MILR1: variants seen among roughly 807,000 people sequenced by gnomAD.
The protein encoded by MILR1 is allergin-1.
Under a neutral mutation model 18.5 loss-of-function variants are expected in MILR1, and 31 were observed. The observed-to-expected ratio is 1.68, with a 90% confidence interval of 1.26 to 2.26. The LOEUF is 2.26. MILR1 is among the 30% of genes most tolerant of loss of function. The pLI is 0.00. For synonymous variants in MILR1, 85 were observed against 56.2 expected (o/e 1.51, Z -2.30); for missense variants, 257 against 157.4 (o/e 1.63, Z -3.38).
chr17:64,460,194 T>C (rs2037401424), intron 4 of MILR1, among the ~76,000 whole-genome samples: 1 of 151,352 alleles, frequency 6.6e-6, no homozygotes, highest in African/African-American at 2.4e-5. Context: ...CCCAGCTAAT[T>C]TTTATATTTT....
At chr17:64,457,228 AC>A (rs2037318673) in intron 3 of MILR1, among the ~76,000 whole-genome samples, 171 bp from the exon 4 acceptor site, 2 of 152,170 alleles carry the variant, frequency 1.3e-5, no homozygotes, top group African/African-American at 2.4e-5. Flanking sequence ...GGGGTTGGCC[AC>A]ATGCCCATTG....
the MILR1 span, chr17:64,497,076 G>T: frequency 8.5e-7 from 1 of 1,182,416 alleles, no homozygotes; most frequent in Non-Finnish European, 1.2e-6. Context: ...CGCAACGGAG[G>T]TGAGCGTGCT....
chr17:64,465,450 A>G lies in MILR1; in HGVS notation c.764-2A>G, dbSNP rs2037532288. On this transcript the variant is annotated splice_acceptor_variant, in intron 5 of 9. Coordinates refer to ENST00000619286, the MANE Select transcript of MILR1 (RefSeq NM_001085423.2). LOFTEE classifies it high-confidence loss of function. ...TTTGATGATTCCTACCTATTTACGT[A>G]GGAAAAGCTATGAGAAATAATGTGC... The G allele has an allele frequency of 6.3e-7, 1 of 1,594,812 alleles. No individual in the cohort carries two copies. Among genetic ancestry groups the G allele is most frequent in the East Asian group, 2.2e-5 (1 of 44,684 alleles).
At chr17:64,491,392 C>T in the MILR1 span, 32 of 614,300 alleles carry the variant, frequency 5.2e-5, no homozygotes, top group South Asian at 1.5e-4. Context: ...CTTAGGACTT[C>T]GAGACCAGCC....
chr17:64,485,777 A>G, the MILR1 span: 1 of 1,612,976 alleles, frequency 6.2e-7, no homozygotes, highest in Non-Finnish European at 8.5e-7. Context: ...TGTCAGCTGG[A>G]AAGAATCATA....
At chr17:64,483,924 C>T in the MILR1 span, 1 of 152,292 alleles carries the variant, frequency 6.6e-6, no homozygotes, top group Non-Finnish European at 1.5e-5. Context: ...GTTGCCCAGA[C>T]AGACTGGTCT....
At chr17:64,486,866 G>A in the MILR1 span, 1 of 152,128 alleles carries the variant, frequency 6.6e-6, no homozygotes, top group African/African-American at 2.4e-5. Context: ...CATAGTACAT[G>A]ATATGAATTA....
At chr17:64,478,734 A>G in the MILR1 span, among the ~76,000 whole-genome samples, 1 of 151,844 alleles carries the variant, frequency 6.6e-6, no homozygotes, top group Non-Finnish European at 1.5e-5. Context: ...CATCTCTACC[A>G]AAACTACAAA....
At chr17:64,482,769 T>A in the MILR1 span, 5 of 611,600 alleles carry the variant, frequency 8.2e-6, no homozygotes, top group Non-Finnish European at 1.5e-5. Flanking sequence ...TCAAAGGAAA[T>A]GCTCATCAGA....
At chr17:64,480,911 G>A in the MILR1 span, among the ~76,000 whole-genome samples, 3 of 152,202 alleles carry the variant, frequency 2.0e-5, no homozygotes, top group African/African-American at 7.2e-5. Flanking sequence ...TCACTGGAAT[G>A]CTGGAGACAA....
chr17:64,489,710 C>T, the MILR1 span, among the ~76,000 whole-genome samples: 1 of 151,876 alleles, frequency 6.6e-6, no homozygotes, highest in South Asian at 2.1e-4. Context: ...TGAGCTATCA[C>T]CATACCACTG....
At chr17:64,474,006 A>G in the MILR1 span, among the ~76,000 whole-genome samples, 6 of 152,232 alleles carry the variant, frequency 3.9e-5, no homozygotes, top group African/African-American at 1.4e-4. Flanking sequence ...TACAAACCCC[A>G]GACCCTCTGC....
At chr17:64,456,526 T>G (rs1239329699) in intron 3 of MILR1, among the ~76,000 whole-genome samples, 3 of 152,070 alleles carry the variant, frequency 2.0e-5, no homozygotes, top group Non-Finnish European at 2.9e-5. Flanking sequence ...ACGATATTTT[T>G]GGGGCTGGGC....
At chr17:64,452,380 A>G (rs2037193407) in intron 2 of MILR1, among the ~76,000 whole-genome samples, 1 of 151,920 alleles carries the variant, frequency 6.6e-6, no homozygotes, top group Non-Finnish European at 1.5e-5. Flanking sequence ...CAGCCTCCTG[A>G]GTAGCTGGGA....
downstream of MILR1, among the ~76,000 whole-genome samples, chr17:64,471,301 G>A (rs2037684161): frequency 6.6e-6 from 1 of 152,136 alleles, no homozygotes; most frequent in African/African-American, 2.4e-5. Flanking sequence ...AAGAGCCCAA[G>A]AGCCTCTTCT....
At chr17:64,471,093 G>A (rs1350364887), downstream of MILR1, among the ~76,000 whole-genome samples, 1 of 151,988 alleles carries the variant, frequency 6.6e-6, no homozygotes, top group Non-Finnish European at 1.5e-5. Context: ...TGCTTTCTAG[G>A]GACTTCTGGT....
intron 6 of MILR1, 136 bp downstream of exon 6, chr17:64,465,677 C>T: frequency 1.2e-6 from 1 of 807,846 alleles, no homozygotes; most frequent in South Asian, 1.8e-5. Context: ...CCCAGTCCCA[C>T]TTTCTAGGGG....
intron 2 of MILR1, among the ~76,000 whole-genome samples, chr17:64,451,945 A>AT (rs1555660830): frequency 3.9e-5 from 6 of 151,960 alleles, no homozygotes; most frequent in Non-Finnish European, 5.9e-5. Context: ...AAAAAAAAAA[A>AT]GTTGAGCTTA....
chr17:64,482,327 CTTT>C, the MILR1 span, among the ~76,000 whole-genome samples: 1 of 128,566 alleles, frequency 7.8e-6, no homozygotes, highest in Non-Finnish European at 1.7e-5. Flanking sequence ...AAATTAAAAA[CTTT>C]TTTTTTTTTT....
Sources: gnomAD v4.1 joint callset for allele counts (sites outside exome capture counted in the v4.1 genomes callset) on GRCh38, gnomAD v4.1.1 for gene constraint, MANE v1.5 for transcripts, NCBI Gene and HGNC (gene_info 2026-07-23, HGNC 2026-07-21) for gene names.